ABI3BP: variants seen among roughly 807,000 people sequenced by gnomAD.
ABI3BP encodes target of Nesh-SH3.
In ABI3BP, 216 loss-of-function variants were observed where a neutral mutation model predicts 268.6. That is an observed-to-expected ratio of 0.80 (90% confidence interval 0.72 to 0.90). The LOEUF (loss-of-function observed/expected upper bound fraction) is 0.90, where lower values mean the gene tolerates loss of function less well. ABI3BP is among the 40% of genes least tolerant of loss of function. ABI3BP has a pLI of 0.00. For synonymous variants in ABI3BP, 730 were observed against 730.0 expected, an observed-to-expected ratio of 1.00 and a Z score of 0.00; for missense variants, 2,090 against 2,182.4, an observed-to-expected ratio of 0.96 and a Z score of 0.84.
rs1350265451 is a variant in ABI3BP at position 100,851,884 on chromosome 3, A to C, written c.1342T>G (p.Ser448Ala). The change falls in exon 15 of 68, where the codon TCC (serine) becomes GCC (alanine). Residue 448 changes from serine (S) to alanine (A), a missense_variant. Coordinates refer to ENST00000471714, the MANE Select transcript of ABI3BP (RefSeq NM_001375547.2). ...GAGAGGCCAGATATACCTGTGTAGGAATCTGATATCTCAGGCTCATCTGAT... is the reference window on the plus strand; with the variant it reads ...GAGAGGCCAGATATACCTGTGTAGGCATCTGATATCTCAGGCTCATCTGAT... ...TTSDEPEISDSYTATSDRILD... is the reference protein window; with the variant it reads ...TTSDEPEISDAYTATSDRILD... The C allele has an allele frequency of 3.1e-6, 5 of 1,594,900 alleles. No individual in the cohort carries two copies. Among genetic ancestry groups the C allele is most frequent in the African/African-American group, 2.7e-5 (2 of 74,244 alleles).
intron 1 of ABI3BP, among the ~76,000 whole-genome samples, chr3:100,944,218 T>G (rs1370656565): frequency 1.3e-5 from 2 of 152,182 alleles, no homozygotes; most frequent in Non-Finnish European, 2.9e-5. Flanking sequence ...AGTTTAACTG[T>G]TTTTAATTTT....
At chr3:100,811,132 T>C in intron 48 of ABI3BP, 98 bp downstream of exon 48, 1 of 983,564 alleles carries the variant, frequency 1.0e-6, no homozygotes. Flanking sequence ...AGAGTGACGG[T>C]GTAACATGAA....
chr3:100,769,192 G>A, intron 62 of ABI3BP, among the ~76,000 whole-genome samples: 1 of 152,172 alleles, frequency 6.6e-6, no homozygotes, highest in East Asian at 1.9e-4. Flanking sequence ...AGGGCAAATG[G>A]TCTAATGTTT....
chr3:100,871,978 A>T (rs9848726), intron 9 of ABI3BP, among the ~76,000 whole-genome samples: 52,398 of 152,034 alleles, frequency 0.34, 9,282 homozygotes, highest in Admixed American at 0.41. Flanking sequence ...TTAGGACTAC[A>T]GGCATGTACC....
At chr3:100,977,071 G>C (rs555815171) in intron 1 of ABI3BP, among the ~76,000 whole-genome samples, 1 of 151,910 alleles carries the variant, frequency 6.6e-6, no homozygotes, top group African/African-American at 2.4e-5. Context: ...TTTTTTTGTG[G>C]TCCTGGAAAG....
At chr3:100,928,955 C>A (rs2062743135) in intron 1 of ABI3BP, among the ~76,000 whole-genome samples, 1 of 152,032 alleles carries the variant, frequency 6.6e-6, no homozygotes, top group African/African-American at 2.4e-5. Flanking sequence ...ATTTATACTT[C>A]AGATAAAACA....
chr3:100,859,775 C>T lies in ABI3BP; in HGVS notation c.1285+2536G>A, dbSNP rs145413401. On this transcript the variant is annotated intron_variant, in intron 14 of 67. Coordinates refer to ENST00000471714, the MANE Select transcript of ABI3BP (RefSeq NM_001375547.2). ...GCAGAAACAAGAGATACTTAACTAC[C>T]CACTTTGAAAAATCAAGCTTGTATT... Among the ~76,000 whole-genome samples the T allele has an allele frequency of 3.6e-3, 550 of 152,182 alleles. 4 individuals carry two copies. The highest frequency in any genetic ancestry group is 0.012 in the African/African-American group (512 of 41,514).
chr3:100,832,418 G>T, intron 30 of ABI3BP, 68 bp from the exon 31 acceptor site: 2 of 1,377,432 alleles, frequency 1.5e-6, no homozygotes, highest in Non-Finnish European at 2.0e-6. Context: ...GGATGACATA[G>T]CTCTAAGTTT....
At chr3:100,757,909 G>C (rs1272890084) in intron 63 of ABI3BP, among the ~76,000 whole-genome samples, 2 of 152,040 alleles carry the variant, frequency 1.3e-5, no homozygotes, top group Non-Finnish European at 2.9e-5. Context: ...TTTTAAAACT[G>C]TACATATATT....
chr3:100,766,967 G>T (rs1007405144), intron 62 of ABI3BP, among the ~76,000 whole-genome samples: 3 of 152,142 alleles, frequency 2.0e-5, no homozygotes, highest in Non-Finnish European at 4.4e-5. Context: ...TAAAAAACTA[G>T]AATAACCCAG....
Position 100,874,835 on chromosome 3 carries a change from G to C in ABI3BP, c.910+6C>G. 1.9e-6 allele frequency: 3 copies of C among 1,566,568 alleles called. 1 individual carries two copies. Among genetic ancestry groups the C allele is most frequent in the South Asian group, 2.3e-5 (2 of 85,560 alleles). On this transcript the variant is annotated splice_donor_region_variant and intron_variant, in intron 9 of 67. Coordinates refer to ENST00000471714, the MANE Select transcript of ABI3BP (RefSeq NM_001375547.2). ...CAAAGTTCAAATACAAAACTTTTCT[G>C]CTTACCTAATTGTGTCTTGAGTGCA...
chr3:100,752,804 A>C lies in ABI3BP; in HGVS notation c.5105T>G (p.Leu1702Trp). The change falls in exon 66 of 68, where the codon TTG (leucine) becomes TGG (tryptophan). Residue 1702 changes from leucine to tryptophan, a missense_variant. By Grantham distance (61) the Leu-to-Trp change is moderately conservative. Transcript: ENST00000471714. The stretch of plus-strand genomic sequence containing the variant: ...CTGCTTACCTGTGAGGGAGTCGCTC[A>C]AGTAAATCTTGTATCTGAGAGAGTT... ...LCNSLRYKIYLSDSLTGKFYN... is the reference protein window; with the variant it reads ...LCNSLRYKIYWSDSLTGKFYN... 1 of 1,613,194 alleles carries C rather than the reference A, an allele frequency of 6.2e-7. No homozygotes were observed. Among genetic ancestry groups the C allele is most frequent in the Non-Finnish European group, 8.5e-7 (1 of 1,179,640 alleles).
intron 22 of ABI3BP, 83 bp downstream of exon 22, chr3:100,840,737 A>G (rs1465071234): frequency 8.0e-7 from 1 of 1,244,892 alleles, no homozygotes; most frequent in Non-Finnish European, 1.1e-6. Context: ...TAATGTATTA[A>G]TTCATTAATG....
At chr3:100,847,389 T>A (rs1429211568) in intron 19 of ABI3BP, among the ~76,000 whole-genome samples, 1 of 152,190 alleles carries the variant, frequency 6.6e-6, no homozygotes, top group Non-Finnish European at 1.5e-5. Flanking sequence ...CAGAATGACA[T>A]CTGAAGGCTG....
chr3:100,832,018 T>G lies in ABI3BP; in HGVS notation c.2401+246A>C, dbSNP rs140656910. On this transcript the variant is annotated intron_variant, in intron 31 of 67. Transcript: ENST00000471714. Reference sequence around the variant, plus strand: ...TTAAATGATTGTGCTGGCTCAATACTGAGCAGCTTTGTCTTTAAGACAGGA... The same window carrying G: ...TTAAATGATTGTGCTGGCTCAATACGGAGCAGCTTTGTCTTTAAGACAGGA... 4.2e-3 allele frequency among the ~76,000 whole-genome samples: 647 copies of G among 152,300 alleles called. 6 individuals carry two copies. The highest frequency in any genetic ancestry group is 6.5e-3 in the Non-Finnish European group (443 of 68,016).
At chr3:100,843,579 A>C in intron 20 of ABI3BP, 1 of 980,736 alleles carries the variant, frequency 1.0e-6, no homozygotes, top group Non-Finnish European at 1.2e-6. Context: ...GAAGGGGAGA[A>C]GAAAGAGTGT....
At chr3:100,812,881 G>C (rs2097898294) in intron 45 of ABI3BP, among the ~76,000 whole-genome samples, 2 of 152,066 alleles carry the variant, frequency 1.3e-5, no homozygotes, top group Non-Finnish European at 2.9e-5. Flanking sequence ...TTTAAAATTT[G>C]CATCCATTTT....
chr3:100,882,794 A>G (rs2040046759), intron 6 of ABI3BP, among the ~76,000 whole-genome samples: 1 of 152,110 alleles, frequency 6.6e-6, no homozygotes, highest in South Asian at 2.1e-4. Context: ...ACAAATACAA[A>G]TTACTGGGAT....
chr3:100,822,518 A>G (rs2098260801), intron 38 of ABI3BP, 71 bp downstream of exon 38: 1 of 1,395,702 alleles, frequency 7.2e-7, no homozygotes, highest in Non-Finnish European at 9.8e-7. Context: ...ACTCCCAACC[A>G]CTGGGATTAC....
Sources: allele counts gnomAD v4.1 joint callset (sites outside exome capture counted in the v4.1 genomes callset), GRCh38; gene constraint gnomAD v4.1.1; transcripts MANE v1.5; gene names NCBI Gene and HGNC (gene_info 2026-07-23, HGNC 2026-07-21).